Variants in KLHL32 observed in about 807,000 individuals in gnomAD.
KLHL32 encodes the protein kelch-like protein 32.
Under a neutral mutation model 64.8 loss-of-function variants are expected in KLHL32, and 35 were observed. That is an observed-to-expected ratio of 0.54 (90% CI 0.41 to 0.72). The LOEUF (loss-of-function observed/expected upper bound fraction) is 0.72, where lower values mean the gene tolerates loss of function less well. Ranked by LOEUF, KLHL32 falls within the 30% of genes least tolerant of loss-of-function variation. KLHL32 has a pLI of 0.00. For synonymous variants in KLHL32, 259 were observed against 281.0 expected, an observed-to-expected ratio of 0.92 and a Z score of 0.78; for missense variants, 589 against 768.5, an observed-to-expected ratio of 0.77 and a Z score of 2.76.
chr6:97,055,389 C>T (rs962265415), intron 4 of KLHL32, among the ~76,000 whole-genome samples: 1 of 152,180 alleles, frequency 6.6e-6, no homozygotes, highest in African/African-American at 2.4e-5. Flanking sequence ...TAATCTCCCC[C>T]ACGTAGGGTC....
intron 4 of KLHL32, among the ~76,000 whole-genome samples, chr6:97,048,227 CTG>C (rs1381105926): frequency 6.6e-6 from 1 of 152,222 alleles, no homozygotes; most frequent in African/African-American, 2.4e-5. Context: ...ACTGCTAACT[CTG>C]TCAGCTGTGA....
At chr6:96,929,144 A>G (rs1369651079) in intron 1 of KLHL32, among the ~76,000 whole-genome samples, 2 of 152,220 alleles carry the variant, frequency 1.3e-5, no homozygotes, top group Non-Finnish European at 2.9e-5. Context: ...AATGTTCAGC[A>G]CAAGGTAACA....
chr6:96,913,444 G>C, the KLHL32 span, among the ~76,000 whole-genome samples: 315 of 152,250 alleles, frequency 2.1e-3, 2 homozygotes, highest in African/African-American at 7.4e-3. Context: ...TTTAATACCT[G>C]GCTCTCAGGG....
intron 2 of KLHL32, among the ~76,000 whole-genome samples, chr6:96,968,481 G>A (rs1192207755): frequency 6.6e-6 from 1 of 152,048 alleles, no homozygotes; most frequent in African/African-American, 2.4e-5. Context: ...ACAGCACATG[G>A]AGACCATGGT....
intron 5 of KLHL32, among the ~76,000 whole-genome samples, chr6:97,079,743 C>A (rs1349508705): frequency 6.6e-6 from 1 of 151,742 alleles, no homozygotes; most frequent in Non-Finnish European, 1.5e-5. Flanking sequence ...TAGCCCTAAA[C>A]CAAAGGAAAA....
chr6:97,064,634 C>G lies in KLHL32; in HGVS notation c.319C>G (p.Leu107Val). The G allele has an allele frequency of 1.9e-6, 3 of 1,613,214 alleles. No homozygotes were observed. Among genetic ancestry groups the G allele is most frequent in the Non-Finnish European group, 2.5e-6 (3 of 1,179,562 alleles). ...LEFAYTGQIL[L>V]EPGVIQDVLA... Reference sequence around the variant, plus strand: ...TTGTTAACAAACAAAACAGATTTTGCTGGAGCCAGGTGTGATCCAGGATGT... The same window carrying G: ...TTGTTAACAAACAAAACAGATTTTGGTGGAGCCAGGTGTGATCCAGGATGT... Residue 107 changes from leucine to valine, a missense_variant, in exon 5 of 11, where the codon CTG (leucine) becomes GTG (valine). Transcript: ENST00000369261.
At chr6:97,015,021 T>C (rs1780959505) in intron 3 of KLHL32, among the ~76,000 whole-genome samples, 1 of 152,138 alleles carries the variant, frequency 6.6e-6, no homozygotes, top group South Asian at 2.1e-4. Context: ...GGAGATCTGA[T>C]GGTTTTATAT....
At chr6:96,969,523 A>G (rs1179217770) in intron 2 of KLHL32, among the ~76,000 whole-genome samples, 1 of 152,112 alleles carries the variant, frequency 6.6e-6, no homozygotes, top group Non-Finnish European at 1.5e-5. Context: ...GAACCGATCT[A>G]TTCATATTTC....
intron 5 of KLHL32, 31 bp downstream of exon 5, chr6:97,064,757 C>A: frequency 6.6e-7 from 1 of 1,509,838 alleles, no homozygotes; most frequent in Non-Finnish European, 9.2e-7. Context: ...CTCATACACC[C>A]TTCACATTCC....
In KLHL32 at chr6:97,014,877, G is replaced by A. The variant is rs187646516; in HGVS notation, c.205-26615G>A. Among the ~76,000 whole-genome samples the A allele has an allele frequency of 2.0e-5, 3 of 152,278 alleles. No individual in the cohort carries two copies. In the East Asian group the frequency reaches 5.8e-4, roughly 29 times the overall value. ...AGGTTGTGATATGGTTAGGCTCTGT[G>A]TCCCCACCCAAATCTCATCTCGAAT... is the stretch of plus-strand genomic sequence containing the variant. On this transcript the variant is annotated intron_variant, in intron 3 of 10. Transcript: ENST00000369261.
intron 1 of KLHL32, among the ~76,000 whole-genome samples, chr6:96,946,288 G>A (rs1276604787): frequency 1.3e-5 from 2 of 151,850 alleles, no homozygotes; most frequent in African/African-American, 2.4e-5. Context: ...ATTTTTTAAC[G>A]TGAATCCTTC....
At chr6:96,955,154 C>T (rs1174833248) in intron 1 of KLHL32, among the ~76,000 whole-genome samples, 1 of 152,204 alleles carries the variant, frequency 6.6e-6, no homozygotes, top group African/African-American at 2.4e-5. Flanking sequence ...GCTCCACCTC[C>T]CAGTACCATC....
intron 3 of KLHL32, among the ~76,000 whole-genome samples, chr6:96,980,741 G>A (rs1776209019): frequency 6.6e-6 from 1 of 152,090 alleles, no homozygotes; most frequent in African/African-American, 2.4e-5. Context: ...AATTGTACCA[G>A]CTCTTTTTTA....
chr6:97,086,014 A>C (rs775499703), intron 6 of KLHL32, among the ~76,000 whole-genome samples: 1 of 152,174 alleles, frequency 6.6e-6, no homozygotes, highest in Non-Finnish European at 1.5e-5. Flanking sequence ...TATTCCTTGA[A>C]AAATCCACTT....
rs1256503279 is a variant in KLHL32, at chr6:97,140,573, G to GTTT, written c.*1294_*1296dup. On this transcript the variant is annotated 3_prime_UTR_variant, in exon 11 of 11. Coordinates refer to ENST00000369261, the MANE Select transcript of KLHL32 (RefSeq NM_052904.4). ...AACAAATTTAACAAGTATAATGTGA[G>GTTT]TTTTTCTTTTTTCCTAACTTCCTCA... 1 of 151,878 alleles carries GTTT rather than the reference G, an allele frequency of 6.6e-6. No homozygotes were observed. The highest frequency in any genetic ancestry group is 1.9e-4 in the East Asian group (1 of 5,202). The allele number at this position is 151,878 out of a possible 1,614,324, so 9.4% of individuals were successfully genotyped here.
intron 3 of KLHL32, among the ~76,000 whole-genome samples, chr6:96,987,197 G>A (rs1777215751): frequency 6.6e-6 from 1 of 152,102 alleles, no homozygotes; most frequent in South Asian, 2.1e-4. Context: ...GGTTTTTTGA[G>A]TCTCTATTTC....
At chr6:96,940,753 T>G (rs750373954) in intron 1 of KLHL32, among the ~76,000 whole-genome samples, 1 of 152,246 alleles carries the variant, frequency 6.6e-6, no homozygotes, top group Non-Finnish European at 1.5e-5. Flanking sequence ...ACTTACTCTC[T>G]AAATGCTGTA....
chr6:97,102,193 T>C (rs867290818), intron 6 of KLHL32, among the ~76,000 whole-genome samples: 2 of 152,218 alleles, frequency 1.3e-5, no homozygotes, highest in Non-Finnish European at 1.5e-5. Flanking sequence ...TGTATTCTTT[T>C]CCTTGTGTCA....
intron 4 of KLHL32, among the ~76,000 whole-genome samples, chr6:97,050,422 A>G (rs1003329988): frequency 1.3e-5 from 2 of 152,126 alleles, no homozygotes; most frequent in African/African-American, 4.8e-5. Context: ...TTGAGAGAGC[A>G]TGGAGGTATG....
Sources: gnomAD v4.1 joint callset for allele counts (sites outside exome capture counted in the v4.1 genomes callset) on GRCh38, gnomAD v4.1.1 for gene constraint, MANE v1.5 for transcripts, NCBI Gene and HGNC (gene_info 2026-07-23, HGNC 2026-07-21) for gene names.